Variants in LDLRAD4 observed in about 807,000 individuals in gnomAD.
LDLRAD4 encodes the protein low-density lipoprotein receptor class A domain-containing protein 4.
In LDLRAD4, 5 loss-of-function variants were observed where a neutral mutation model predicts 17.0. That is an observed-to-expected ratio of 0.29 (90% CI 0.15 to 0.62). The LOEUF is 0.62. Ranked by LOEUF, LDLRAD4 falls within the 20% of genes least tolerant of loss-of-function variation. The pLI is 0.84. For synonymous variants in LDLRAD4, 168 were observed against 171.8 expected (o/e 0.98, Z 0.17); for missense variants, 340 against 424.7 (o/e 0.80, Z 1.75).
At chr18:13,298,650 T>TGG (rs2046412893) in intron 1 of LDLRAD4, among the ~76,000 whole-genome samples, 2 of 123,844 alleles carry the variant, frequency 1.6e-5, no homozygotes, top group South Asian at 5.5e-4. Flanking sequence ...AGCTGCATTG[T>TGG]GCATGGTGAT....
At chr18:13,229,442 G>A (rs1377356802) in intron 1 of LDLRAD4, among the ~76,000 whole-genome samples, 1 of 152,188 alleles carries the variant, frequency 6.6e-6, no homozygotes, top group Non-Finnish European at 1.5e-5. Context: ...CACAGCGAGT[G>A]CTCAGTAAAA....
chr18:13,495,640 C>T (rs1427741518), intron 3 of LDLRAD4, among the ~76,000 whole-genome samples: 1 of 152,210 alleles, frequency 6.6e-6, no homozygotes. Flanking sequence ...AGAATTGGGT[C>T]AATAACCTTT....
intron 1 of LDLRAD4, among the ~76,000 whole-genome samples, chr18:13,371,443 T>A (rs1262941179): frequency 6.6e-6 from 1 of 152,098 alleles, no homozygotes; most frequent in Non-Finnish European, 1.5e-5. Context: ...AGTGCACTGG[T>A]GCACTGTCCA....
chr18:13,506,342 G>T (rs1235327487), intron 3 of LDLRAD4, among the ~76,000 whole-genome samples: 1 of 151,096 alleles, frequency 6.6e-6, no homozygotes, highest in Non-Finnish European at 1.5e-5. Flanking sequence ...TTTACATTAG[G>T]TATATCTCCT....
At chr18:13,478,078 A>G (rs1375798398) in intron 3 of LDLRAD4, among the ~76,000 whole-genome samples, 4 of 152,082 alleles carry the variant, frequency 2.6e-5, no homozygotes, top group African/African-American at 4.8e-5. Context: ...AAGACAGTGT[A>G]TTTTCTCTGG....
At chr18:13,339,336 G>A (rs753639188) in intron 1 of LDLRAD4, among the ~76,000 whole-genome samples, 8 of 151,842 alleles carry the variant, frequency 5.3e-5, no homozygotes, top group African/African-American at 1.5e-4. Context: ...TCAGCCTCCC[G>A]AGTAGCTGGG....
At position 13,621,537 on chromosome 18, in the gene LDLRAD4, C is replaced by T. The variant is rs1023435100; in HGVS notation, c.336+266C>T. Among the ~76,000 whole-genome samples the T allele has an allele frequency of 4.6e-5, 7 of 152,236 alleles. No individual in the cohort carries two copies. The highest frequency in any genetic ancestry group is 1.7e-4 in the African/African-American group (7 of 41,472). On this transcript the variant is annotated intron_variant, in intron 4 of 5. Transcript: ENST00000359446. This position sits in a 1 kb window ranked among gnomAD's most constrained non-coding sequence, Gnocchi z 5.5. ...CCTGGATCTTTGCTGCCCGACGTGGCTTTGCCAGCTTCTGAGCTGTGCACG... is the reference window on the plus strand; with the variant it reads ...CCTGGATCTTTGCTGCCCGACGTGGTTTTGCCAGCTTCTGAGCTGTGCACG...
chr18:13,361,341 T>C (rs951244329), intron 1 of LDLRAD4, among the ~76,000 whole-genome samples: 1 of 152,188 alleles, frequency 6.6e-6, no homozygotes, highest in Non-Finnish European at 1.5e-5. Context: ...TTCCTGTCAT[T>C]TTAACATACA....
intron 2 of LDLRAD4, among the ~76,000 whole-genome samples, chr18:13,392,750 A>G (rs1341570565): frequency 6.6e-6 from 1 of 152,254 alleles, no homozygotes; most frequent in Non-Finnish European, 1.5e-5. Context: ...AATTATTTTA[A>G]TGTTAGAGAA....
intron 3 of LDLRAD4, among the ~76,000 whole-genome samples, chr18:13,571,927 C>T (rs2094698083): frequency 6.6e-6 from 1 of 152,202 alleles, no homozygotes. Context: ...TGAGCTACCG[C>T]ACCGGGCCTA....
At chr18:13,531,448 A>C (rs1470523759) in intron 3 of LDLRAD4, among the ~76,000 whole-genome samples, 2 of 150,682 alleles carry the variant, frequency 1.3e-5, no homozygotes, top group Non-Finnish European at 3.0e-5. Context: ...CATATCTAAA[A>C]AAAAAAAAAA....
intron 1 of LDLRAD4, among the ~76,000 whole-genome samples, chr18:13,224,449 A>G (rs991991494): frequency 1.4e-5 from 2 of 147,082 alleles, no homozygotes; most frequent in African/African-American, 5.0e-5. Context: ...CAGGACAAAG[A>G]GCACTATAGT....
At position 13,622,506 on chromosome 18, in the gene LDLRAD4, T is replaced by A. The variant is rs963500235; in HGVS notation, c.336+1235T>A. Among the ~76,000 whole-genome samples, 5 of 152,186 alleles carry A rather than the reference T, an allele frequency of 3.3e-5. No individual in the cohort carries two copies. Among genetic ancestry groups the A allele is most frequent in the African/African-American group, 1.2e-4 (5 of 41,450 alleles). ...ATCCTCTCTTGCCCCTTCTGTCCTC[T>A]CTCTGGATGCCCAGTTCAGTCCACA... On this transcript the variant is annotated intron_variant, in intron 4 of 5. Transcript: ENST00000359446. The surrounding 1 kb of genome is among the most constrained non-coding windows in gnomAD (Gnocchi z 5.3).
At chr18:13,302,655 G>T (rs1232002118) in intron 1 of LDLRAD4, among the ~76,000 whole-genome samples, 2 of 152,218 alleles carry the variant, frequency 1.3e-5, no homozygotes, top group African/African-American at 4.8e-5. Flanking sequence ...TGGTGAGAAG[G>T]TTCCTGGAGG....
chr18:13,645,622 A>G lies in LDLRAD4; in HGVS notation c.886A>G (p.Lys296Glu). The G allele has an allele frequency of 6.6e-7, 1 of 1,521,624 alleles. No homozygotes were observed. The highest frequency in any genetic ancestry group is 8.8e-7 in the Non-Finnish European group (1 of 1,134,792). The allele number at this position is 1,521,624 out of a possible 1,614,324, so 94.3% of individuals were successfully genotyped here. The change falls in exon 6 of 6, where the codon AAA becomes GAA. Residue 296 changes from lysine (K) to glutamate (E), a missense_variant. Coordinates refer to ENST00000359446, the Ensembl canonical transcript of LDLRAD4. The surrounding 1 kb of genome is among the most constrained non-coding windows in gnomAD (Gnocchi z 5.7). ...TGCAGAGAGCACAATAGTACCCATC[A>G]AAGGCAAAGATAGGAAGCCTGGGAA... is the stretch of plus-strand genomic sequence containing the variant.
At chr18:13,296,138 C>T (rs1472153809) in intron 1 of LDLRAD4, among the ~76,000 whole-genome samples, 2 of 152,248 alleles carry the variant, frequency 1.3e-5, no homozygotes, top group Non-Finnish European at 2.9e-5. Flanking sequence ...AGTGCTGTGC[C>T]CAGAAGCCAG....
chr18:13,471,066 G>GTGCTGGAGAT (rs2092759331), intron 3 of LDLRAD4: 1 of 152,220 alleles, frequency 6.6e-6, no homozygotes, highest in Admixed American at 6.5e-5. Context: ...TCTTTGCAAA[G>GTGCTGGAGAT]TGCTGGAGAT....
intron 1 of LDLRAD4, among the ~76,000 whole-genome samples, chr18:13,243,728 A>T (rs1461129595): frequency 6.8e-6 from 1 of 146,988 alleles, no homozygotes; most frequent in East Asian, 2.1e-4. Flanking sequence ...CCACCCACCC[A>T]GCGACCCACC....
chr18:13,364,107 TATC>T (rs1397019944), intron 1 of LDLRAD4, among the ~76,000 whole-genome samples: 2 of 152,182 alleles, frequency 1.3e-5, no homozygotes, highest in African/African-American at 2.4e-5. Context: ...TAAGTGAAAA[TATC>T]ATATCATAGT....
Sources: gnomAD v4.1 joint callset for allele counts (sites outside exome capture counted in the v4.1 genomes callset) on GRCh38, gnomAD v4.1.1 for gene constraint, Gnocchi (gnomAD v3.1) non-coding constraint, MANE v1.5 for transcripts, NCBI Gene and HGNC (gene_info 2026-07-23, HGNC 2026-07-21) for gene names.